The following SMARCD3 variants were observed in gnomAD, a reference collection of about 807,000 sequenced individuals.
SMARCD3 encodes the protein SWI/SNF related BAF chromatin remodeling complex subunit D3, also known as SWI/SNF-related matrix-associated actin-dependent regulator of chromatin subfamily D member 3.
SMARCD3 carries 14 observed loss-of-function variants against 58.0 expected under a neutral mutation model. The observed-to-expected ratio is 0.24, with a 90% CI of 0.16 to 0.38. The LOEUF is 0.38. SMARCD3 is among the 10% of genes least tolerant of loss of function. SMARCD3 has a pLI of 1.00. For missense variants in SMARCD3, 408 were observed against 636.9 expected, an observed-to-expected ratio of 0.64 and a Z score of 3.87; for synonymous variants, 253 against 253.8, an observed-to-expected ratio of 1.00 and a Z score of 0.03.
chr7:151,255,167 ACCCCCTCAACT>A (rs1349012283), intron 2 of SMARCD3, among the ~76,000 whole-genome samples: 3 of 150,074 alleles, frequency 2.0e-5, no homozygotes, highest in Non-Finnish European at 1.5e-5. Context: ...AAAGCCCCAG[ACCCCCTCAACT>A]CCTGCACTTT....
At chr7:151,250,965 A>G (rs1459283136), upstream of SMARCD3, among the ~76,000 whole-genome samples, 1 of 152,238 alleles carries the variant, frequency 6.6e-6, no homozygotes, top group Non-Finnish European at 1.5e-5. Context: ...GGGAAACCAC[A>G]GGCCTTGGAG....
chr7:151,241,731 G>T lies in SMARCD3; in HGVS notation c.778-78C>A. The T allele has an allele frequency of 6.9e-7, 1 of 1,451,874 alleles. No individual in the cohort carries two copies. Among genetic ancestry groups the T allele is most frequent in the East Asian group, 2.4e-5 (1 of 42,364 alleles). 89.9% of individuals were successfully genotyped at this position (1,451,874 alleles called of 1,614,324 possible). A position where few individuals can be genotyped will look rare whatever the true frequency, so the allele number is the denominator to read the frequency against. ...CCAGGGCCAGGCCATTCAGGACTAGGGGGATGTGTTGATTGAGGAAACATG... is the reference window on the plus strand; with the variant it reads ...CCAGGGCCAGGCCATTCAGGACTAGTGGGATGTGTTGATTGAGGAAACATG... On this transcript the variant is annotated intron_variant, in intron 7 of 12. Transcript: ENST00000262188. The surrounding 1 kb of genome is among the most constrained non-coding windows in gnomAD (Gnocchi z 5.3).
rs754829459 is a variant in SMARCD3 at position 151,241,757 on chromosome 7, C to A, written c.778-104G>T. On this transcript the variant is annotated intron_variant, in intron 7 of 12. Coordinates refer to ENST00000262188, the MANE Select transcript of SMARCD3 (RefSeq NM_001003801.2). This position sits in a 1 kb window ranked among gnomAD's most constrained non-coding sequence, Gnocchi z 5.3. ...GGGATGTGTTGATTGAGGAAACATG[C>A]CCCTGGGGAAGGATAGGTTTGGGAG... 2.9e-6 allele frequency: 4 copies of A among 1,385,402 alleles called. No individual in the cohort carries two copies. Among genetic ancestry groups the A allele is most frequent in the Admixed American group, 3.9e-5 (2 of 51,292 alleles). The allele number at this position is 1,385,402 out of a possible 1,614,324, so 85.8% of individuals were successfully genotyped here. A position where few individuals can be genotyped will look rare whatever the true frequency, so the allele number is the denominator to read the frequency against.
At position 151,239,365 on chromosome 7, in the gene SMARCD3, G is replaced by A. The variant is rs1802831334; in HGVS notation, c.1398+31C>T. The A allele has an allele frequency of 1.3e-6, 2 of 1,554,250 alleles. No individual in the cohort carries two copies. Among genetic ancestry groups the A allele is most frequent in the Non-Finnish European group, 1.8e-6 (2 of 1,126,306 alleles). ...GAGGTTTCTCTTGGAGTTGAGGATG[G>A]GGAAGCCTCAGGGCAAGGGTCCCTG... is the stretch of plus-strand genomic sequence containing the variant. On this transcript the variant is annotated intron_variant, in intron 12 of 12. Transcript: ENST00000262188. This position sits in a 1 kb window ranked among gnomAD's most constrained non-coding sequence, Gnocchi z 7.0.
rs1221783147 is a variant in SMARCD3 at position 151,248,369 on chromosome 7, C to A, written c.78+116G>T. On this transcript the variant is annotated intron_variant, in intron 1 of 12. Coordinates refer to ENST00000262188, the MANE Select transcript of SMARCD3 (RefSeq NM_001003801.2). This position sits in a 1 kb window ranked among gnomAD's most constrained non-coding sequence, Gnocchi z 6.1. The stretch of plus-strand genomic sequence containing the variant: ...CCCGCGGCCGGGCCGTGGGCCATGA[C>A]GCCCCCCACTAGAGGGGTGGGAGAG... 3.4e-6 allele frequency: 3 copies of A among 885,584 alleles called. No homozygotes were observed. The highest frequency in any genetic ancestry group is 2.2e-5 in the Admixed American group (1 of 46,382). 54.9% of individuals were successfully genotyped at this position (885,584 alleles called of 1,614,324 possible).
intron 2 of SMARCD3, among the ~76,000 whole-genome samples, chr7:151,261,782 C>T (rs1803924705): frequency 6.6e-6 from 1 of 152,224 alleles, no homozygotes; most frequent in Non-Finnish European, 1.5e-5. Context: ...CCTTCAGCGG[C>T]AGGCTCATCA....
rs559668397 is a variant in SMARCD3, at chr7:151,240,670, G to C, written c.940-148C>G. 79 of 637,032 alleles carry C rather than the reference G, an allele frequency of 1.2e-4. 1 individual carries two copies. The South Asian group carries it at 1.4e-3, about 11-fold the overall frequency. The allele number at this position is 637,032 out of a possible 1,614,324, so 39.5% of individuals were successfully genotyped here. ...CATGGGGATGGGATTGGGGTGGGCT[G>C]GTCTGGTGGTGGAGCCACCGGTATG... On this transcript the variant is annotated intron_variant, in intron 8 of 12. Transcript: ENST00000262188.
Position 151,242,979 on chromosome 7 carries a change from A to T in SMARCD3, c.334-136T>A, listed in dbSNP as rs975986977. On this transcript the variant is annotated intron_variant, in intron 3 of 12. Coordinates refer to ENST00000262188, the MANE Select transcript of SMARCD3 (RefSeq NM_001003801.2). The surrounding 1 kb of genome is among the most constrained non-coding windows in gnomAD (Gnocchi z 4.7). Reference sequence around the variant, plus strand: ...CTACTTTTGGGCATGTAGCTTTGACAGTGGGAACAGGACCTCTCCCCAGGA... The same window carrying T: ...CTACTTTTGGGCATGTAGCTTTGACTGTGGGAACAGGACCTCTCCCCAGGA... The T allele has an allele frequency of 9.9e-7, 1 of 1,007,886 alleles. No homozygotes were observed. Among genetic ancestry groups the T allele is most frequent in the African/African-American group, 1.6e-5 (1 of 62,210 alleles). 62.4% of individuals were successfully genotyped at this position (1,007,886 alleles called of 1,614,324 possible).
Position 151,239,285 on chromosome 7 carries a change from G to A in SMARCD3, c.1398+111C>T. The A allele has an allele frequency of 7.7e-7, 1 of 1,305,094 alleles. No individual in the cohort carries two copies. The highest frequency in any genetic ancestry group is 1.1e-6 in the Non-Finnish European group (1 of 900,972). The allele number at this position is 1,305,094 out of a possible 1,614,324, so 80.8% of individuals were successfully genotyped here. A position where few individuals can be genotyped will look rare whatever the true frequency, so the allele number is the denominator to read the frequency against. ...GGGAGGGCCATTGCATGGTGAGGCA[G>A]CGTGGTGAAGCTTTACTGTGGGGAG... On this transcript the variant is annotated intron_variant, in intron 12 of 12. Coordinates refer to ENST00000262188, the MANE Select transcript of SMARCD3 (RefSeq NM_001003801.2). This position sits in a 1 kb window ranked among gnomAD's most constrained non-coding sequence, Gnocchi z 7.0.
intron 1 of SMARCD3, among the ~76,000 whole-genome samples, chr7:151,247,564 C>T (rs1265811756): frequency 6.6e-6 from 1 of 152,180 alleles, no homozygotes; most frequent in Non-Finnish European, 1.5e-5. Flanking sequence ...TCTGGCCTTA[C>T]TGAGAGGGTG....
intron 2 of SMARCD3, among the ~76,000 whole-genome samples, chr7:151,269,871 A>G (rs1472584916): frequency 6.6e-6 from 1 of 152,186 alleles, no homozygotes; most frequent in Non-Finnish European, 1.5e-5. Context: ...GAGACATGTC[A>G]CTCAGAAAAC....
intron 2 of SMARCD3, among the ~76,000 whole-genome samples, chr7:151,274,910 G>C (rs2072299): frequency 0.41 from 62,735 of 152,072 alleles, 13,608 homozygotes; most frequent in Non-Finnish European, 0.48. Flanking sequence ...GGGAGTGTGG[G>C]ATGGAGGGAA....
chr7:151,276,218 C>T (rs1045756953), intron 1 of SMARCD3, among the ~76,000 whole-genome samples: 5 of 150,930 alleles, frequency 3.3e-5, no homozygotes, highest in Non-Finnish European at 7.4e-5. Flanking sequence ...CCAGGGAAGA[C>T]GGTGGCCAAG....
intron 2 of SMARCD3, chr7:151,275,035 G>A (rs1448580854): frequency 1.7e-6 from 2 of 1,171,076 alleles, no homozygotes; most frequent in Non-Finnish European, 2.5e-6. Context: ...TGTGGTGGGA[G>A]CAGGAGCCGA....
intron 2 of SMARCD3, among the ~76,000 whole-genome samples, chr7:151,259,612 T>TTTTTTTTG (rs1803846845): frequency 8.7e-6 from 1 of 114,298 alleles, no homozygotes; most frequent in African/African-American, 3.7e-5. Flanking sequence ...TTTTTTTTTT[T>TTTTTTTTG]TTTTTTTTTT....
upstream of SMARCD3, among the ~76,000 whole-genome samples, chr7:151,250,099 C>G (rs1803465599): frequency 6.6e-6 from 1 of 152,012 alleles, no homozygotes; most frequent in Non-Finnish European, 1.5e-5. Context: ...GGGTACTGAC[C>G]CTAAACCCTT....
intron 2 of SMARCD3, among the ~76,000 whole-genome samples, chr7:151,259,632 G>A (rs1281484279): frequency 2.2e-3 from 106 of 48,952 alleles, no homozygotes; most frequent in African/African-American, 0.013. Context: ...TTTTTGAGAC[G>A]GACTTTCACT....
At chr7:151,275,935 G>T (rs1795326189) in intron 1 of SMARCD3, among the ~76,000 whole-genome samples, 1 of 152,100 alleles carries the variant, frequency 6.6e-6, no homozygotes, top group South Asian at 2.1e-4. Context: ...CTTGGGAGTG[G>T]CTCAGGGTCT....
intron 2 of SMARCD3, among the ~76,000 whole-genome samples, chr7:151,266,670 G>A (rs1197947915): frequency 6.6e-6 from 1 of 152,176 alleles, no homozygotes; most frequent in African/African-American, 2.4e-5. Context: ...ATGTGCTAGT[G>A]TGTCATGTCA....
Sources: gnomAD v4.1 joint callset for allele counts (sites outside exome capture counted in the v4.1 genomes callset) on GRCh38, gnomAD v4.1.1 for gene constraint, Gnocchi (gnomAD v3.1) non-coding constraint, MANE v1.5 for transcripts, NCBI Gene and HGNC (gene_info 2026-07-23, HGNC 2026-07-21) for gene names.